HTR2A: variants seen among roughly 807,000 people sequenced by gnomAD.
HTR2A encodes the protein 5-hydroxytryptamine receptor 2A.
HTR2A carries 14 observed loss-of-function variants against 31.0 expected under a neutral mutation model. That is an observed-to-expected ratio of 0.45 (90% CI 0.30 to 0.71). The LOEUF (loss-of-function observed/expected upper bound fraction) is 0.71. Ranked by LOEUF, HTR2A falls within the 30% of genes least tolerant of loss-of-function variation. The pLI, the probability that HTR2A is intolerant of heterozygous loss-of-function variation, is 0.09. For synonymous variants in HTR2A, 209 were observed against 225.2 expected, an observed-to-expected ratio of 0.93 and a Z score of 0.64; for missense variants, 442 against 573.3, an observed-to-expected ratio of 0.77 and a Z score of 2.34.
chr13:46,885,883 T>A (rs1467961167), intron 3 of HTR2A, among the ~76,000 whole-genome samples: 3 of 152,274 alleles, frequency 2.0e-5, no homozygotes, highest in African/African-American at 7.2e-5. Context: ...TATGTTTCTG[T>A]GAATTGCCTG....
At chr13:46,868,392 C>T (rs1200949796) in intron 3 of HTR2A, among the ~76,000 whole-genome samples, 2 of 152,164 alleles carry the variant, frequency 1.3e-5, no homozygotes, top group African/African-American at 4.8e-5. Context: ...AAGGCAATTG[C>T]CAAGAACAAG....
In HTR2A at chr13:46,835,253, C is replaced by T; in HGVS notation, c.1000G>A (p.Val334Met). 1 of 1,614,124 alleles carries T rather than the reference C, an allele frequency of 6.2e-7. No homozygotes were observed. The highest frequency in any genetic ancestry group is 8.5e-7 in the Non-Finnish European group (1 of 1,180,016). Reference protein sequence around the residue: ...VLGIVFFLFVVMWCPFFITNI... With the variant: ...VLGIVFFLFVMMWCPFFITNI... ...GTGATGAAGAAAGGGCACCACATCACCACAAACAGGAAGAAGACGATGCCC... is the reference window on the plus strand; with the variant it reads ...GTGATGAAGAAAGGGCACCACATCATCACAAACAGGAAGAAGACGATGCCC... Residue 334 changes from valine to methionine, a missense_variant, in exon 4 of 4, where the codon GTG (valine) becomes ATG (methionine). Coordinates refer to ENST00000542664, the MANE Select transcript of HTR2A (RefSeq NM_000621.5).
chr13:46,856,141 C>G (rs1885884), intron 3 of HTR2A: 48,254 of 152,104 alleles, frequency 0.32, 7,756 homozygotes, highest in Non-Finnish European at 0.35. Flanking sequence ...GTACATCTTC[C>G]TTGCTGACAA....
chr13:46,896,629 A>G, intron 1 of HTR2A, 45 bp downstream of exon 1: 1 of 1,405,254 alleles, frequency 7.1e-7, no homozygotes, highest in Non-Finnish European at 9.5e-7. Context: ...TTCAAACCGG[A>G]AAGAAAATTA....
chr13:46,847,919 T>C (rs1268000344), intron 3 of HTR2A, among the ~76,000 whole-genome samples: 1 of 152,184 alleles, frequency 6.6e-6, no homozygotes. Flanking sequence ...TAACCCAAGC[T>C]AAACTTCTGT....
At chr13:46,836,579 T>C (rs1403528062) in intron 3 of HTR2A, among the ~76,000 whole-genome samples, 1 of 152,192 alleles carries the variant, frequency 6.6e-6, no homozygotes, top group Non-Finnish European at 1.5e-5. Context: ...GCTTTTATTA[T>C]GGGACATTTT....
intron 3 of HTR2A, among the ~76,000 whole-genome samples, chr13:46,840,319 A>G (rs949910200): frequency 1.4e-4 from 21 of 152,130 alleles, no homozygotes; most frequent in Non-Finnish European, 2.5e-4. Context: ...CTTCTAATCT[A>G]TGTATGGTGT....
chr13:46,855,394 A>G (rs1950727441), intron 3 of HTR2A, among the ~76,000 whole-genome samples: 1 of 152,198 alleles, frequency 6.6e-6, no homozygotes, highest in Non-Finnish European at 1.5e-5. Context: ...CACAGGATGT[A>G]GTCAAATATA....
chr13:46,865,084 G>A lies in HTR2A; in HGVS notation c.613+27306C>T, dbSNP rs144939805. On this transcript the variant is annotated intron_variant, in intron 3 of 3. Coordinates refer to ENST00000542664, the MANE Select transcript of HTR2A (RefSeq NM_000621.5). ...GTTAACATTAGCTTTACTGCCTATGGGTTAACCATTCATGTCAACACTGAT... is the reference window on the plus strand; with the variant it reads ...GTTAACATTAGCTTTACTGCCTATGAGTTAACCATTCATGTCAACACTGAT... 8.7e-4 allele frequency among the ~76,000 whole-genome samples: 133 copies of A among 152,070 alleles called. No individual in the cohort carries two copies. The East Asian group carries it at 0.018, about 21-fold the overall frequency.
chr13:46,866,636 G>T (rs1950820285), intron 3 of HTR2A, among the ~76,000 whole-genome samples: 1 of 152,212 alleles, frequency 6.6e-6, no homozygotes, highest in African/African-American at 2.4e-5. Flanking sequence ...GGAGTCATCA[G>T]TGAACTAGAC....
intron 3 of HTR2A, among the ~76,000 whole-genome samples, chr13:46,863,657 A>AAAAAAAAAAAAAAAAAAAAG (rs1566309853): frequency 1.7e-5 from 2 of 118,256 alleles, no homozygotes; most frequent in Non-Finnish European, 3.5e-5. Flanking sequence ...AAAGAAAAAA[A>AAAAAAAAAAAAAAAAAAAAG]AAAAAGACAG....
At chr13:46,869,334 T>C (rs1950846163) in intron 3 of HTR2A, among the ~76,000 whole-genome samples, 1 of 152,172 alleles carries the variant, frequency 6.6e-6, no homozygotes, top group South Asian at 2.1e-4. Context: ...TATGAAATGA[T>C]CAACGTCAGT....
rs778682687 is a variant in HTR2A at position 46,892,480 on chromosome 13, C to T, written c.523G>A (p.Val175Ile). 28 of 1,614,114 alleles carry T rather than the reference C, an allele frequency of 1.7e-5. No individual in the cohort carries two copies. Among genetic ancestry groups the T allele is most frequent in the East Asian group, 8.9e-5 (4 of 44,904 alleles). ...HLCAISLDRY[V>I]AIQNPIHHSR... ...TGGTGGATGGGATTCTGGATGGCGACGTAGCGGTCCAGCGAGATGGCGCAG... is the reference window on the plus strand; with the variant it reads ...TGGTGGATGGGATTCTGGATGGCGATGTAGCGGTCCAGCGAGATGGCGCAG... Residue 175 changes from valine (V) to isoleucine (I), a missense_variant, in exon 3 of 4, where the codon GTC becomes ATC. Physicochemically the swap from Val to Ile is conservative, Grantham distance 29 (BLOSUM62 3). Coordinates refer to ENST00000542664, the MANE Select transcript of HTR2A (RefSeq NM_000621.5).
chr13:46,859,167 A>G (rs1433595388), intron 3 of HTR2A, among the ~76,000 whole-genome samples: 2 of 152,206 alleles, frequency 1.3e-5, no homozygotes, highest in African/African-American at 2.4e-5. Context: ...TTTCCCAAAT[A>G]ATCAGATATC....
Position 46,878,080 on chromosome 13 carries a change from CAA to C in HTR2A, c.613+14308_613+14309del, listed in dbSNP as rs542720924. ...TACTTTATGGGGCAAGAGAGACACT[CAA>C]GAGTTTCAGTCAGGAGAGCAATTTA... On this transcript the variant is annotated intron_variant, in intron 3 of 3. Coordinates refer to ENST00000542664, the MANE Select transcript of HTR2A (RefSeq NM_000621.5). Among the ~76,000 whole-genome samples the C allele has an allele frequency of 1.2e-3, 178 of 152,250 alleles. 2 individuals are homozygous for C. The highest frequency in any genetic ancestry group is 4.0e-3 in the African/African-American group (166 of 41,542).
chr13:46,872,930 G>T (rs557772552), intron 3 of HTR2A, among the ~76,000 whole-genome samples: 16 of 152,108 alleles, frequency 1.1e-4, no homozygotes, highest in Middle Eastern at 3.4e-3. Flanking sequence ...TGCTCTTGTT[G>T]CCCAGGCTGG....
intron 3 of HTR2A, among the ~76,000 whole-genome samples, chr13:46,877,066 G>C (rs571571739): frequency 4.6e-5 from 7 of 152,288 alleles, no homozygotes; most frequent in African/African-American, 1.7e-4. Flanking sequence ...ACAAGTTGAT[G>C]CCTAGACTGT....
At position 46,859,561 on chromosome 13, in the gene HTR2A, T is replaced by C. The variant is rs528510488; in HGVS notation, c.614-23922A>G. ...GGTGGTTTCTGATGGTTTACCACCA[T>C]CCCCCTAGTGCTGTTTCATGAGAGA... On this transcript the variant is annotated intron_variant, in intron 3 of 3. Coordinates refer to ENST00000542664, the MANE Select transcript of HTR2A (RefSeq NM_000621.5). Among the ~76,000 whole-genome samples the C allele has an allele frequency of 7.9e-5, 12 of 152,118 alleles. No individual in the cohort carries two copies. The South Asian group carries it at 2.3e-3, about 29-fold the overall frequency.
chr13:46,834,920 T>C lies in HTR2A; in HGVS notation c.1333A>G (p.Met445Val). ...DAKTTDNDCS[M>V]VALGKQHSEE... ...GAATGCTGCTTTCCTAGAGCAACCA[T>C]TGAGCAGTCATTATCTGTTGTCTTG... Residue 445 changes from methionine (M) to valine (V), a missense_variant, in exon 4 of 4, where the codon ATG becomes GTG. Transcript: ENST00000542664. 3.1e-6 allele frequency: 5 copies of C among 1,614,132 alleles called. No homozygotes were observed.
Sources: allele counts gnomAD v4.1 joint callset (sites outside exome capture counted in the v4.1 genomes callset), GRCh38; gene constraint gnomAD v4.1.1; transcripts MANE v1.5; gene names NCBI Gene and HGNC (gene_info 2026-07-23, HGNC 2026-07-21).